The following DTYMK variants were observed in gnomAD, a reference collection of about 807,000 sequenced individuals.
The protein encoded by DTYMK is deoxythymidylate kinase.
Under a neutral mutation model 20.3 loss-of-function variants are expected in DTYMK, and 20 were observed. The ratio of observed to expected loss-of-function variants is 0.99; its 90% confidence interval spans 0.69 to 1.43. The LOEUF is 1.43. DTYMK is among the 40% of genes most tolerant of loss of function. DTYMK has a pLI of 0.00. For missense variants in DTYMK, 320 were observed against 291.1 expected, an observed-to-expected ratio of 1.10 and a Z score of -0.72; for synonymous variants, 148 against 124.4, an observed-to-expected ratio of 1.19 and a Z score of -1.27.
chr2:241,680,080 C>G, intron 3 of DTYMK, 149 bp downstream of exon 3: 1 of 678,958 alleles, frequency 1.5e-6, no homozygotes, highest in Non-Finnish European at 2.4e-6. Flanking sequence ...ATTGATAAAA[C>G]CAAATTAATC....
chr2:241,683,322 G>A (rs1023757271), intron 2 of DTYMK, among the ~76,000 whole-genome samples: 1 of 152,202 alleles, frequency 6.6e-6, no homozygotes, highest in African/African-American at 2.4e-5. Context: ...GAGAATGCAA[G>A]ATGCTGCAGC....
At chr2:241,678,160 C>T (rs1453167188) in intron 4 of DTYMK, among the ~76,000 whole-genome samples, 1 of 152,090 alleles carries the variant, frequency 6.6e-6, no homozygotes, top group Non-Finnish European at 1.5e-5. Flanking sequence ...ATCCCAGCTA[C>T]TCGGGAGGCT....
At chr2:241,676,475 G>A (rs2069119789) in intron 4 of DTYMK, among the ~76,000 whole-genome samples, 1 of 152,170 alleles carries the variant, frequency 6.6e-6, no homozygotes, top group African/African-American at 2.4e-5. Flanking sequence ...ACAACACCAT[G>A]TTTCGTTCTG....
rs1270264884 is a variant in DTYMK, at chr2:241,675,938, A to G, written c.*189T>C. ...CGCTCTGCTCATGTCCACACTGCCA[A>G]GGTCCCCACCACGGGGGTCCCCAGT... On this transcript the variant is annotated 3_prime_UTR_variant, in exon 5 of 5. Coordinates refer to ENST00000305784, the MANE Select transcript of DTYMK (RefSeq NM_012145.4). The G allele has an allele frequency of 5.4e-6, 3 of 552,442 alleles. No individual in the cohort carries two copies. In the East Asian group the frequency reaches 9.4e-5, roughly 17 times the overall value. 34.2% of individuals were successfully genotyped at this position (552,442 alleles called of 1,614,324 possible). A position where few individuals can be genotyped will look rare whatever the true frequency, so the allele number is the denominator to read the frequency against.
At position 241,686,721 on chromosome 2, in the gene DTYMK, CG is replaced by C; in HGVS notation, c.62del (p.Thr21SerfsTer33). On this transcript the variant is annotated frameshift_variant, in exon 1 of 5. Coordinates refer to ENST00000305784, the MANE Select transcript of DTYMK (RefSeq NM_012145.4). LOFTEE classifies it high-confidence loss of function. Reference protein sequence around the residue: ...LEGVDRAGKSTQSRKLVEALC... With the variant: ...LEGVDRAGKSXQSRKLVEALC... ...GCGCTTCCACCAGCTTGCGGCTCTG[CG>C]TGCTCTTCCCGGCGCGGTCCACGCC... 6.5e-7 allele frequency: 1 copy of C among 1,544,980 alleles called. No homozygotes were observed. The highest frequency in any genetic ancestry group is 8.6e-7 in the Non-Finnish European group (1 of 1,158,542).
At chr2:241,676,367 C>G (rs2069116749) in intron 4 of DTYMK, 130 bp from the exon 5 acceptor site, 1 of 786,648 alleles carries the variant, frequency 1.3e-6, no homozygotes. Context: ...CCCAGGAGTT[C>G]AAGACCAGCC....
At chr2:241,679,797 C>T (rs966812033) in intron 3 of DTYMK, among the ~76,000 whole-genome samples, 15 of 151,754 alleles carry the variant, frequency 9.9e-5, no homozygotes, top group African/African-American at 2.7e-4. Flanking sequence ...GGTAAAACCC[C>T]GTCTCTACTA....
intron 1 of DTYMK, 36 bp downstream of exon 1, chr2:241,686,618 G>T (rs757368570): frequency 1.4e-6 from 2 of 1,472,992 alleles, no homozygotes; most frequent in Non-Finnish European, 8.9e-7. Context: ...CAGAGGCACC[G>T]AAGGCCGCGG....
chr2:241,685,788 C>CTG lies in DTYMK; in HGVS notation c.219_220insCA (p.Ala74GlnfsTer10). 6.2e-7 allele frequency: 1 copy of CTG among 1,613,962 alleles called. No homozygotes were observed. Among genetic ancestry groups the CTG allele is most frequent in the Non-Finnish European group, 8.5e-7 (1 of 1,179,870 alleles). ...TTTTACACTTGTTCCCAGCGATTTG[C>CTG]AGAAAAAAGCAGGTGCACCGAGTGA... On this transcript the variant is annotated frameshift_variant, in exon 2 of 5. Coordinates refer to ENST00000305784, the MANE Select transcript of DTYMK (RefSeq NM_012145.4). LOFTEE classifies it high-confidence loss of function.
rs564627380 is a variant in DTYMK, at chr2:241,686,181, C to T, written c.131-304G>A. Among the ~76,000 whole-genome samples, 274 of 152,342 alleles carry T rather than the reference C, an allele frequency of 1.8e-3. 3 individuals are homozygous for T. Among genetic ancestry groups the T allele is most frequent in the African/African-American group, 4.5e-3 (187 of 41,588 alleles). The stretch of plus-strand genomic sequence containing the variant: ...GGGTGGCCAAAGATTAAGGTCAATG[C>T]TTCACTTGAAAACTTTTAAATATAT... On this transcript the variant is annotated intron_variant, in intron 1 of 4. Transcript: ENST00000305784.
chr2:241,681,384 A>G (rs1480822982), intron 2 of DTYMK, among the ~76,000 whole-genome samples: 1 of 152,182 alleles, frequency 6.6e-6, no homozygotes, highest in Non-Finnish European at 1.5e-5. Context: ...ACCCTCCACG[A>G]ACATAAATTC....
At chr2:241,682,382 C>T (rs1055002137) in intron 2 of DTYMK, 2 of 354,502 alleles carry the variant, frequency 5.6e-6, no homozygotes, top group African/African-American at 2.2e-5. Context: ...AAAAGGCAAA[C>T]CACAGCCTAG....
intron 4 of DTYMK, among the ~76,000 whole-genome samples, chr2:241,677,223 G>C (rs2069137221): frequency 6.6e-6 from 1 of 152,192 alleles, no homozygotes; most frequent in African/African-American, 2.4e-5. Flanking sequence ...CATTTCATGA[G>C]GTGTGACCGT....
intron 3 of DTYMK, among the ~76,000 whole-genome samples, chr2:241,679,975 A>C (rs1325787448): frequency 2.6e-5 from 4 of 152,006 alleles, no homozygotes; most frequent in Admixed American, 6.5e-5. Flanking sequence ...TCTCCCCAAA[A>C]AAAAAAAAAA....
At chr2:241,679,772 C>G (rs1044355271) in intron 3 of DTYMK, among the ~76,000 whole-genome samples, 1 of 151,956 alleles carries the variant, frequency 6.6e-6, no homozygotes, top group Non-Finnish European at 1.5e-5. Flanking sequence ...AGTTTGAGAC[C>G]AGCCTGGCCA....
intron 1 of DTYMK, among the ~76,000 whole-genome samples, chr2:241,686,364 C>T (rs2069403893): frequency 6.6e-6 from 1 of 152,222 alleles, no homozygotes; most frequent in African/African-American, 2.4e-5. Flanking sequence ...CACCATACCC[C>T]GCACTTAAAG....
intron 4 of DTYMK, 91 bp downstream of exon 4, chr2:241,678,361 G>A (rs1184518793): frequency 2.6e-6 from 4 of 1,555,162 alleles, no homozygotes; most frequent in East Asian, 4.5e-5. Flanking sequence ...GGAAACGGCA[G>A]CAGCTTTGCT....
At chr2:241,679,844 C>T (rs1438243513) in intron 3 of DTYMK, among the ~76,000 whole-genome samples, 1 of 151,794 alleles carries the variant, frequency 6.6e-6, no homozygotes, top group East Asian at 1.9e-4. Flanking sequence ...TGGTGCATGC[C>T]TATAATCCCA....
intron 4 of DTYMK, among the ~76,000 whole-genome samples, chr2:241,678,004 G>A (rs1429371659): frequency 5.3e-5 from 8 of 152,158 alleles, no homozygotes; most frequent in East Asian, 1.9e-4. Flanking sequence ...GGCCGGGCGC[G>A]ATGGCTCATG....
Sources: allele counts gnomAD v4.1 joint callset (sites outside exome capture counted in the v4.1 genomes callset), GRCh38; gene constraint gnomAD v4.1.1; transcripts MANE v1.5; gene names NCBI Gene and HGNC (gene_info 2026-07-23, HGNC 2026-07-21).